Variants in NOX3 observed in about 807,000 individuals in gnomAD.
NOX3 encodes the protein NADPH oxidase catalytic subunit-like 3.
NOX3 carries 74 observed loss-of-function variants against 76.7 expected under a neutral mutation model. That is an observed-to-expected ratio of 0.96 (90% CI 0.80 to 1.17). The LOEUF is 1.17. NOX3 is among the 50% of genes most tolerant of loss of function. The pLI, the probability that NOX3 is intolerant of heterozygous loss-of-function variation, is 0.00. For synonymous variants in NOX3, 263 were observed against 261.1 expected, an observed-to-expected ratio of 1.01 and a Z score of -0.07; for missense variants, 695 against 703.3, an observed-to-expected ratio of 0.99 and a Z score of 0.13.
chr6:155,434,031 G>A (rs1242483356), intron 7 of NOX3, among the ~76,000 whole-genome samples: 1 of 152,108 alleles, frequency 6.6e-6, no homozygotes, highest in Admixed American at 6.5e-5. Context: ...TTTCACTCCT[G>A]GTTTTTCATT....
chr6:155,438,907 C>A (rs2114701617), intron 6 of NOX3, among the ~76,000 whole-genome samples: 1 of 152,320 alleles, frequency 6.6e-6, no homozygotes, highest in South Asian at 2.1e-4. Context: ...GCATTAGCAA[C>A]ATTGCTGGCC....
chr6:155,398,127 A>G (rs1779164025), intron 12 of NOX3, among the ~76,000 whole-genome samples: 1 of 152,172 alleles, frequency 6.6e-6, no homozygotes, highest in Non-Finnish European at 1.5e-5. Context: ...TCCAATCTCT[A>G]GTATAAGCTG....
chr6:155,410,154 C>G (rs1038186761), intron 11 of NOX3, among the ~76,000 whole-genome samples: 1 of 152,190 alleles, frequency 6.6e-6, no homozygotes, highest in Non-Finnish European at 1.5e-5. Flanking sequence ...AAGAAAGCTA[C>G]ATTTCAAATT....
chr6:155,454,236 C>G (rs1434145009), intron 3 of NOX3, among the ~76,000 whole-genome samples: 1 of 152,062 alleles, frequency 6.6e-6, no homozygotes, highest in African/African-American at 2.4e-5. Context: ...AGGGGAAGTG[C>G]AATAAAATGA....
At chr6:155,414,215 G>A (rs1303100872) in intron 10 of NOX3, among the ~76,000 whole-genome samples, 5 of 152,208 alleles carry the variant, frequency 3.3e-5, no homozygotes, top group Non-Finnish European at 7.3e-5. Context: ...AGAAGCAAAA[G>A]GTATTTACTT....
At chr6:155,435,639 T>C (rs1250620400) in intron 7 of NOX3, among the ~76,000 whole-genome samples, 1 of 152,212 alleles carries the variant, frequency 6.6e-6, no homozygotes, top group East Asian at 1.9e-4. Flanking sequence ...TTAAGTGATG[T>C]ATTTTTGGAC....
chr6:155,400,746 T>C (rs917115286), intron 12 of NOX3, among the ~76,000 whole-genome samples: 4 of 151,974 alleles, frequency 2.6e-5, no homozygotes, highest in Admixed American at 1.3e-4. Flanking sequence ...GCTGCAGATG[T>C]CCCTAACCAG....
chr6:155,397,850 G>T (rs998213890), intron 12 of NOX3, among the ~76,000 whole-genome samples: 2 of 152,134 alleles, frequency 1.3e-5, no homozygotes, highest in Non-Finnish European at 2.9e-5. Flanking sequence ...AAAAGAAAAA[G>T]ACATTGCTGA....
intron 10 of NOX3, among the ~76,000 whole-genome samples, chr6:155,415,039 A>T (rs1389570343): frequency 6.6e-6 from 1 of 152,134 alleles, no homozygotes; most frequent in Non-Finnish European, 1.5e-5. Flanking sequence ...TTAGTTTCAC[A>T]TCATTCCCAA....
At chr6:155,443,495 T>G in intron 4 of NOX3, 77 bp from the exon 5 acceptor site, 20 of 1,495,974 alleles carry the variant, frequency 1.3e-5, no homozygotes, top group South Asian at 2.6e-5. Flanking sequence ...ACAGTGTCTC[T>G]GTGCTCAAGT....
At chr6:155,399,861 A>G (rs1377864950) in intron 12 of NOX3, among the ~76,000 whole-genome samples, 2 of 152,204 alleles carry the variant, frequency 1.3e-5, no homozygotes, top group Non-Finnish European at 2.9e-5. Context: ...TCTCCGCAAA[A>G]GAAGTATAAA....
At chr6:155,449,822 C>T (rs1183053767) in intron 4 of NOX3, among the ~76,000 whole-genome samples, 1 of 152,164 alleles carries the variant, frequency 6.6e-6, no homozygotes, top group South Asian at 2.1e-4. Flanking sequence ...ATTTGAAATG[C>T]AGCATAATGG....
At chr6:155,443,661 TTCA>T (rs1282641057) in intron 4 of NOX3, among the ~76,000 whole-genome samples, 1 of 152,204 alleles carries the variant, frequency 6.6e-6, no homozygotes, top group Non-Finnish European at 1.5e-5. Flanking sequence ...TAAATCTCAG[TTCA>T]TCATAAAGTG....
chr6:155,454,907 C>G lies in NOX3; in HGVS notation c.159G>C (p.Trp53Cys). The G allele has an allele frequency of 6.2e-7, 1 of 1,610,956 alleles. No individual in the cohort carries two copies. Among genetic ancestry groups the G allele is most frequent in the Non-Finnish European group, 8.5e-7 (1 of 1,179,092 alleles). ...TRVILGSTLA[W>C]ARASALCLNF... ...TCAGGCACAGTGCGGATGCTCGTGC[C>G]CAAGCCAGTGTTGACTGTCCACATG... is the stretch of plus-strand genomic sequence containing the variant. Residue 53 changes from tryptophan to cysteine, a missense_variant, in exon 3 of 14, where the codon TGG becomes TGC. Transcript: ENST00000159060.
chr6:155,448,298 G>A (rs896575801), intron 4 of NOX3, among the ~76,000 whole-genome samples: 12 of 152,262 alleles, frequency 7.9e-5, no homozygotes, highest in African/African-American at 2.6e-4. Flanking sequence ...CAAACACAAA[G>A]CTCATGTTTT....
At chr6:155,426,998 T>C (rs1418454972) in intron 9 of NOX3, among the ~76,000 whole-genome samples, 20 of 116,650 alleles carry the variant, frequency 1.7e-4, no homozygotes, top group South Asian at 1.2e-3. Flanking sequence ...TGTGTGTGTG[T>C]GTGTGTGTGT....
intron 8 of NOX3, among the ~76,000 whole-genome samples, chr6:155,430,331 GT>G (rs1314617032): frequency 6.6e-6 from 1 of 152,040 alleles, no homozygotes; most frequent in East Asian, 1.9e-4. Flanking sequence ...GCTCATGAGG[GT>G]AGAACTCTAT....
chr6:155,431,068 C>G (rs1776826422), intron 7 of NOX3, 133 bp from the exon 8 acceptor site: 1 of 599,084 alleles, frequency 1.7e-6, no homozygotes, highest in Non-Finnish European at 3.0e-6. Context: ...CAGTTATCAG[C>G]AACAAAGATG....
intron 7 of NOX3, among the ~76,000 whole-genome samples, chr6:155,435,202 C>A (rs1217272501): frequency 1.3e-5 from 2 of 152,078 alleles, no homozygotes; most frequent in African/African-American, 4.8e-5. Context: ...GAGAGATGAG[C>A]AAGGCCCCCT....
Sources: allele counts gnomAD v4.1 joint callset (sites outside exome capture counted in the v4.1 genomes callset), GRCh38; gene constraint gnomAD v4.1.1; transcripts MANE v1.5; gene names NCBI Gene and HGNC (gene_info 2026-07-23, HGNC 2026-07-21).